The following NCOR2 variants were observed in gnomAD, a reference collection of about 807,000 sequenced individuals.
The protein encoded by NCOR2 is nuclear receptor corepressor 2, also known as CTG repeat protein 26.
NCOR2 carries 81 observed loss-of-function variants against 262.9 expected under a neutral mutation model. That is an observed-to-expected ratio of 0.31 (90% CI 0.26 to 0.37). The LOEUF (loss-of-function observed/expected upper bound fraction) is 0.37. Ranked by LOEUF, NCOR2 falls within the 10% of genes least tolerant of loss-of-function variation. The probability of loss-of-function intolerance (pLI) is 1.00; values close to 1 mark genes in which losing one functional copy is unlikely to be tolerated. For missense variants in NCOR2, 3,385 were observed against 3,621.4 expected (o/e 0.93, Z 1.68); for synonymous variants, 1,659 against 1,559.3 (o/e 1.06, Z -1.51).
intron 17 of NCOR2, among the ~76,000 whole-genome samples, chr12:124,379,936 G>A (rs1276165775): frequency 1.3e-5 from 2 of 152,236 alleles, no homozygotes; most frequent in African/African-American, 4.8e-5. Context: ...GCTGGAAGAC[G>A]GAAGAGGCTC....
intron 7 of NCOR2, among the ~76,000 whole-genome samples, chr12:124,441,788 C>T (rs1458684503): frequency 6.6e-6 from 1 of 152,200 alleles, no homozygotes; most frequent in Non-Finnish European, 1.5e-5. Context: ...AAGGCGACAG[C>T]GGAGACCTAG....
At chr12:124,377,302 G>A (rs1246273857) in intron 18 of NCOR2, among the ~76,000 whole-genome samples, 2 of 152,122 alleles carry the variant, frequency 1.3e-5, no homozygotes, top group Non-Finnish European at 2.9e-5. Flanking sequence ...TACAGCTGGT[G>A]CAAACAACAC....
chr12:124,557,894 CCT>C (rs1358067774), intron 1 of NCOR2, among the ~76,000 whole-genome samples: 5 of 152,258 alleles, frequency 3.3e-5, no homozygotes, highest in South Asian at 4.1e-4. Flanking sequence ...GGAAAGGCCC[CCT>C]GACTCCTGCC....
At position 124,426,813 on chromosome 12, in the gene NCOR2, G is replaced by A. The variant is rs570388237; in HGVS notation, c.1150-13C>T. 27 of 1,564,254 alleles carry A rather than the reference G, an allele frequency of 1.7e-5. No homozygotes were observed. The highest frequency in any genetic ancestry group is 1.5e-4 in the African/African-American group (11 of 74,194). On this transcript the variant is annotated splice_polypyrimidine_tract_variant and intron_variant, in intron 10 of 46. Transcript: ENST00000405201. ...GCTTCTCCAGGTTCTGCAGGGAAAC[G>A]GAGGGCAGGGTCAGAGGCCCAGGGA...
chr12:124,363,341 C>T (rs1218640162), intron 21 of NCOR2, among the ~76,000 whole-genome samples: 1 of 152,216 alleles, frequency 6.6e-6, no homozygotes, highest in African/African-American at 2.4e-5. Context: ...ACTGGTAGGC[C>T]ACCCTTCCCT....
chr12:124,497,867 C>T (rs2048457124), upstream of NCOR2, among the ~76,000 whole-genome samples: 3 of 152,220 alleles, frequency 2.0e-5, no homozygotes, highest in Admixed American at 2.0e-4. The surrounding 1 kb of genome is among the most constrained non-coding windows in gnomAD (Gnocchi z 4.2). Flanking sequence ...TGCCCGGCCC[C>T]AAGAGCAATG....
Position 124,454,568 on chromosome 12 carries a change from G to A in NCOR2, c.762+2538C>T, listed in dbSNP as rs1242825112. Among the ~76,000 whole-genome samples the A allele has an allele frequency of 2.6e-5, 4 of 152,160 alleles. No homozygotes were observed. Among genetic ancestry groups the A allele is most frequent in the East Asian group, 1.9e-4 (1 of 5,184 alleles). ...AGGCCCTTTCCCCCAGGAGGCCCCC[G>A]GGGACCAATCAGGAAACGGGAGCGG... On this transcript the variant is annotated intron_variant, in intron 6 of 46. Transcript: ENST00000405201. The surrounding 1 kb of genome is among the most constrained non-coding windows in gnomAD (Gnocchi z 5.6).
Position 124,422,560 on chromosome 12 carries a change from G to C in NCOR2, c.1329-5C>G. ...TTCTTGGGATGCTGCATGAACCTGC[G>C]GGACGAGAAGGGTGGGCGTGAGACC... On this transcript the variant is annotated splice_polypyrimidine_tract_variant and splice_region_variant and intron_variant, in intron 11 of 46. Coordinates refer to ENST00000405201, the Ensembl canonical transcript of NCOR2. 6.2e-7 allele frequency: 1 copy of C among 1,613,856 alleles called. No individual in the cohort carries two copies. The highest frequency in any genetic ancestry group is 1.1e-5 in the South Asian group (1 of 91,088).
intron 1 of NCOR2, among the ~76,000 whole-genome samples, chr12:124,487,873 TAAA>T (rs3040836): frequency 0.049 from 6,725 of 137,600 alleles, 216 homozygotes; most frequent in Non-Finnish European, 0.07. Context: ...AAACTGTGTT[TAAA>T]AAAAAAAAAA....
upstream of NCOR2, among the ~76,000 whole-genome samples, chr12:124,496,083 T>C (rs2048363146): frequency 6.6e-6 from 1 of 152,068 alleles, no homozygotes. The surrounding 1 kb of genome is among the most constrained non-coding windows in gnomAD (Gnocchi z 4.4). Context: ...GGAGAGGATC[T>C]ACTCGTGGCC....
At chr12:124,423,480 C>G (rs922648738) in intron 11 of NCOR2, among the ~76,000 whole-genome samples, 1 of 152,198 alleles carries the variant, frequency 6.6e-6, no homozygotes, top group Non-Finnish European at 1.5e-5. Flanking sequence ...GCCAGACATC[C>G]GAGGATCCTG....
chr12:124,527,315 G>C (rs867326503), intron 1 of NCOR2, among the ~76,000 whole-genome samples: 2 of 152,166 alleles, frequency 1.3e-5, no homozygotes, highest in Non-Finnish European at 2.9e-5. Context: ...GTGTGACCTC[G>C]GGCAAGATGC....
intron 1 of NCOR2, among the ~76,000 whole-genome samples, chr12:124,560,909 A>G (rs79256205): frequency 2.0e-5 from 3 of 152,262 alleles, no homozygotes; most frequent in African/African-American, 7.2e-5. Flanking sequence ...CTCCCCAAGA[A>G]GTATAAAAAG....
intron 1 of NCOR2, among the ~76,000 whole-genome samples, chr12:124,551,721 G>A (rs548939026): frequency 2.6e-5 from 4 of 152,304 alleles, no homozygotes; most frequent in South Asian, 2.1e-4. Context: ...ACTAAGGATC[G>A]AGTTTCACTT....
intron 8 of NCOR2, among the ~76,000 whole-genome samples, chr12:124,433,966 T>C (rs1009178634): frequency 4.1e-5 from 6 of 146,058 alleles, no homozygotes; most frequent in South Asian, 2.3e-4. Flanking sequence ...CCAGCTAGTC[T>C]GCGGGGTGCT....
At chr12:124,426,460 A>G (rs953464671) in intron 11 of NCOR2, among the ~76,000 whole-genome samples, 162 bp downstream of exon 13, 1 of 152,156 alleles carries the variant, frequency 6.6e-6, no homozygotes, top group Non-Finnish European at 1.5e-5. Context: ...ACGAAACACC[A>G]GGATTTGGAC....
At chr12:124,358,214 A>G (rs2038161701) in intron 22 of NCOR2, among the ~76,000 whole-genome samples, 1 of 140,318 alleles carries the variant, frequency 7.1e-6, no homozygotes, top group African/African-American at 2.7e-5. Context: ...GTGCATGTGC[A>G]TGTGTGTGTG....
chr12:124,484,614 C>T (rs1425071286), intron 2 of NCOR2, among the ~76,000 whole-genome samples: 1 of 152,234 alleles, frequency 6.6e-6, no homozygotes, highest in East Asian at 1.9e-4. Context: ...TGCACTCCTG[C>T]CCCAGGGCCT....
exon 24 of NCOR2, chr12:124,355,444 A>C: frequency 1.2e-6 from 2 of 1,613,386 alleles, no homozygotes; most frequent in Non-Finnish European, 8.5e-7. Flanking sequence ...GGGAGATGGC[A>C]CCTATTTGCC....
Sources: gnomAD v4.1 joint callset for allele counts (sites outside exome capture counted in the v4.1 genomes callset) on GRCh38, gnomAD v4.1.1 for gene constraint, Gnocchi (gnomAD v3.1) non-coding constraint, MANE v1.5 for transcripts, NCBI Gene and HGNC (gene_info 2026-07-23, HGNC 2026-07-21) for gene names.